CYP20A1: variants seen among roughly 807,000 people sequenced by gnomAD.
CYP20A1 encodes the protein cytochrome P450 family 20 subfamily A member 1.
CYP20A1 carries 61 observed loss-of-function variants against 61.4 expected under a neutral mutation model. That is an observed-to-expected ratio of 0.99 (90% confidence interval 0.81 to 1.23). CYP20A1 has a LOEUF of 1.23. Among genes scored for constraint, CYP20A1 ranks in the 50% most tolerant of loss-of-function variants. The pLI is 0.00. For synonymous variants in CYP20A1, 193 were observed against 188.2 expected (o/e 1.03, Z -0.21); for missense variants, 530 against 542.4 (o/e 0.98, Z 0.23).
chr2:203,283,203 A>C, intron 8 of CYP20A1, among the ~76,000 whole-genome samples: 1 of 136,386 alleles, frequency 7.3e-6, no homozygotes, highest in African/African-American at 2.6e-5. Flanking sequence ...CCAAAAGTCA[A>C]TGTGAGAATT....
At chr2:203,271,871 C>A (rs1235470121) in intron 5 of CYP20A1, among the ~76,000 whole-genome samples, 2 of 152,010 alleles carry the variant, frequency 1.3e-5, no homozygotes, top group Non-Finnish European at 2.9e-5. Context: ...CTAAAAAATA[C>A]AAAAATTAGC....
At chr2:203,277,287 G>A (rs1575235364) in intron 6 of CYP20A1, among the ~76,000 whole-genome samples, 1 of 151,326 alleles carries the variant, frequency 6.6e-6, no homozygotes. Context: ...GGTGGAGGTT[G>A]CAGTAAGCTG....
At chr2:203,243,269 G>A (rs552993121) in intron 1 of CYP20A1, among the ~76,000 whole-genome samples, 106 of 151,818 alleles carry the variant, frequency 7.0e-4, no homozygotes, top group African/African-American at 2.4e-3. Flanking sequence ...TCATCCTCCC[G>A]AGAAGCTGAG....
chr2:203,272,794 G>C, intron 6 of CYP20A1, 46 bp downstream of exon 6: 1 of 1,171,216 alleles, frequency 8.5e-7, no homozygotes, highest in Non-Finnish European at 1.2e-6. Context: ...AAATAAATGT[G>C]CCCCAGTTTT....
intron 6 of CYP20A1, 40 bp downstream of exon 6, chr2:203,272,788 A>T: frequency 8.3e-7 from 1 of 1,207,578 alleles, no homozygotes; most frequent in Non-Finnish European, 1.2e-6. Flanking sequence ...GACAAAAAAT[A>T]AATGTGCCCC....
rs777539399 is a variant in CYP20A1 at position 203,239,054 on chromosome 2, G to A, written c.-9G>A. ...CGATCCGAGACGTGGCTCCCTGGGC[G>A]GCAGAACCATGTTGGACTTCGCGAT... On this transcript the variant is annotated 5_prime_UTR_variant, in exon 1 of 13. Transcript: ENST00000356079. 2.5e-6 allele frequency: 4 copies of A among 1,613,308 alleles called. No homozygotes were observed. The highest frequency in any genetic ancestry group is 1.6e-4 in the Middle Eastern group (1 of 6,062).
At chr2:203,244,493 C>T (rs1166422957) in intron 1 of CYP20A1, among the ~76,000 whole-genome samples, 1 of 151,890 alleles carries the variant, frequency 6.6e-6, no homozygotes, top group African/African-American at 2.4e-5. Context: ...GCCACTGCGC[C>T]CGGCCCAGCA....
chr2:203,300,838 G>A lies in CYP20A1; in HGVS notation c.*3930G>A, dbSNP rs1471343363. Among the ~76,000 whole-genome samples, 2 of 143,458 alleles carry A rather than the reference G, an allele frequency of 1.4e-5. No homozygotes were observed. The highest frequency in any genetic ancestry group is 2.3e-4 in the South Asian group (1 of 4,270). The allele number at this position is 143,458 out of a possible 152,430, so 94.1% of individuals were successfully genotyped here. A position where few individuals can be genotyped will look rare whatever the true frequency, so the allele number is the denominator to read the frequency against. The stretch of plus-strand genomic sequence containing the variant: ...CGTGAGGCAGAGGTTGCGATGAGCC[G>A]AGATCGTGCCATTGCACTCCAGCCT... On this transcript the variant is annotated 3_prime_UTR_variant, in exon 13 of 13. Coordinates refer to ENST00000356079, the MANE Select transcript of CYP20A1 (RefSeq NM_177538.3).
chr2:203,278,247 C>G (rs376554277), intron 6 of CYP20A1, among the ~76,000 whole-genome samples: 1 of 152,154 alleles, frequency 6.6e-6, no homozygotes, highest in Admixed American at 6.5e-5. Flanking sequence ...ACACTGCAGC[C>G]TGGGCAACAG....
At chr2:203,277,533 ATATT>A (rs772176648) in intron 6 of CYP20A1, among the ~76,000 whole-genome samples, 3 of 151,690 alleles carry the variant, frequency 2.0e-5, no homozygotes, top group Non-Finnish European at 4.4e-5. Flanking sequence ...GATAAATAAA[ATATT>A]TATTTATTTA....
At chr2:203,285,405 G>T (rs2068222652) in intron 8 of CYP20A1, among the ~76,000 whole-genome samples, 1 of 152,070 alleles carries the variant, frequency 6.6e-6, no homozygotes, top group African/African-American at 2.4e-5. Flanking sequence ...TATGTCTGTT[G>T]GAGGGCATTC....
intron 9 of CYP20A1, 78 bp downstream of exon 9, chr2:203,285,810 A>G (rs571094247): frequency 2.3e-6 from 3 of 1,286,244 alleles, no homozygotes; most frequent in East Asian, 2.6e-5. Flanking sequence ...TATTGTTGCT[A>G]TCTAGGAAAG....
At chr2:203,296,734 C>CT in intron 12 of CYP20A1, 24 bp from the exon 13 acceptor site, 2 of 1,568,786 alleles carry the variant, frequency 1.3e-6, no homozygotes, top group Non-Finnish European at 1.7e-6. Context: ...TCTTTAGTAA[C>CT]TAATTGACTT....
At chr2:203,254,446 G>A (rs1181829790) in intron 4 of CYP20A1, among the ~76,000 whole-genome samples, 4 of 151,876 alleles carry the variant, frequency 2.6e-5, no homozygotes, top group Non-Finnish European at 4.4e-5. Flanking sequence ...TCGGGAGGCT[G>A]AGGCAGAAGC....
intron 1 of CYP20A1, among the ~76,000 whole-genome samples, chr2:203,243,114 A>C (rs2066313086): frequency 6.6e-6 from 1 of 152,126 alleles, no homozygotes; most frequent in Non-Finnish European, 1.5e-5. Flanking sequence ...CTGTCTTCAA[A>C]TCTTCTGTCT....
rs368908116 is a variant in CYP20A1, at chr2:203,299,201, T to C, written c.*2293T>C. On this transcript the variant is annotated 3_prime_UTR_variant, in exon 13 of 13. Coordinates refer to ENST00000356079, the MANE Select transcript of CYP20A1 (RefSeq NM_177538.3). ...TTTAAGACAGCCACTGTAGGAAATA[T>C]GCCAAGTACAGATAGTGAGGAAAGA... 3.7e-4 allele frequency among the ~76,000 whole-genome samples: 56 copies of C among 152,310 alleles called. No homozygotes were observed. The East Asian group carries it at 8.9e-3, about 24-fold the overall frequency.
At position 203,295,225 on chromosome 2, in the gene CYP20A1, G is replaced by A. The variant is rs921752032; in HGVS notation, c.1149-1249G>A. ...CTCCCAAAGTGCTGGGATTACAGGCGTGAGCCACCGCGCCTGGCCAAAAAT... is the reference window on the plus strand; with the variant it reads ...CTCCCAAAGTGCTGGGATTACAGGCATGAGCCACCGCGCCTGGCCAAAAAT... On this transcript the variant is annotated intron_variant, in intron 11 of 12. Coordinates refer to ENST00000356079, the MANE Select transcript of CYP20A1 (RefSeq NM_177538.3). Among the ~76,000 whole-genome samples, 14 of 151,680 alleles carry A rather than the reference G, an allele frequency of 9.2e-5. No homozygotes were observed. In the South Asian group the frequency reaches 1.9e-3, roughly 20 times the overall value.
intron 4 of CYP20A1, among the ~76,000 whole-genome samples, chr2:203,259,343 TG>T (rs2067038735): frequency 6.6e-6 from 1 of 152,138 alleles, no homozygotes; most frequent in Non-Finnish European, 1.5e-5. Flanking sequence ...TCCCCAGTGT[TG>T]GGGGTGGGGC....
chr2:203,288,400 C>T (rs1260589367), intron 9 of CYP20A1, among the ~76,000 whole-genome samples: 2 of 152,000 alleles, frequency 1.3e-5, no homozygotes, highest in Non-Finnish European at 2.9e-5. Context: ...AGCCCTTTCC[C>T]TAGAGTAGCT....
Sources: allele counts gnomAD v4.1 joint callset (sites outside exome capture counted in the v4.1 genomes callset), GRCh38; gene constraint gnomAD v4.1.1; transcripts MANE v1.5; gene names NCBI Gene and HGNC (gene_info 2026-07-23, HGNC 2026-07-21).